The following AP3B1 variants were observed in gnomAD, a reference collection of about 807,000 sequenced individuals.
AP3B1 encodes AP-3 complex subunit beta-1.
In AP3B1, 61 loss-of-function variants were observed where a neutral mutation model predicts 132.5. The observed-to-expected ratio is 0.46, with a 90% CI of 0.37 to 0.57. The LOEUF (loss-of-function observed/expected upper bound fraction) is 0.57, where lower values mean the gene tolerates loss of function less well. Ranked by LOEUF, AP3B1 falls within the 20% of genes least tolerant of loss-of-function variation. The probability of loss-of-function intolerance (pLI) is 0.00; values close to 1 mark genes in which losing one functional copy is unlikely to be tolerated. For synonymous variants in AP3B1, 388 were observed against 438.3 expected (o/e 0.89, Z 1.43); for missense variants, 1,120 against 1,289.4 (o/e 0.87, Z 2.01).
chr5:78,137,127 A>G (rs1752952236), intron 15 of AP3B1, among the ~76,000 whole-genome samples: 3 of 152,192 alleles, frequency 2.0e-5, no homozygotes, highest in Admixed American at 2.0e-4. Flanking sequence ...TGGATATACA[A>G]GATACATTTG....
chr5:78,193,268 T>C (rs915779782), intron 7 of AP3B1, among the ~76,000 whole-genome samples: 3 of 152,228 alleles, frequency 2.0e-5, no homozygotes, highest in African/African-American at 7.2e-5. Context: ...GTAAGTTAAG[T>C]AGAGGAATCA....
intron 20 of AP3B1, among the ~76,000 whole-genome samples, chr5:78,105,276 C>T (rs190574796): frequency 1.0e-4 from 11 of 105,412 alleles, no homozygotes; most frequent in African/African-American, 2.9e-4. Flanking sequence ...GGACTAACAA[C>T]GTAGCTGAAA....
intron 1 of AP3B1, among the ~76,000 whole-genome samples, chr5:78,276,915 A>G (rs1748804090): frequency 6.6e-6 from 1 of 152,124 alleles, no homozygotes; most frequent in African/African-American, 2.4e-5. Context: ...TCTAATTACA[A>G]TACAAAATCA....
chr5:78,052,406 C>G (rs899165104), intron 22 of AP3B1, among the ~76,000 whole-genome samples: 1 of 152,116 alleles, frequency 6.6e-6, no homozygotes, highest in Non-Finnish European at 1.5e-5. Flanking sequence ...TTTTGCAATG[C>G]CTGTTCACTA....
chr5:78,109,618 C>T (rs1192124987), intron 20 of AP3B1, among the ~76,000 whole-genome samples: 2 of 152,032 alleles, frequency 1.3e-5, no homozygotes, highest in African/African-American at 4.8e-5. Context: ...TTTAACTAGA[C>T]TTGAAATCAG....
intron 17 of AP3B1, among the ~76,000 whole-genome samples, chr5:78,123,073 C>T (rs1170081321): frequency 6.6e-6 from 1 of 152,120 alleles, no homozygotes; most frequent in South Asian, 2.1e-4. Flanking sequence ...CTTTGACAAA[C>T]CTGAGAAAAA....
chr5:78,250,675 T>C (rs929795594), intron 2 of AP3B1, among the ~76,000 whole-genome samples: 6 of 152,054 alleles, frequency 3.9e-5, no homozygotes, highest in Admixed American at 6.6e-5. Flanking sequence ...TGGAGAAGTA[T>C]GAATAAATTA....
At chr5:78,275,222 A>G (rs1014961898) in intron 1 of AP3B1, among the ~76,000 whole-genome samples, 1 of 152,198 alleles carries the variant, frequency 6.6e-6, no homozygotes, top group African/African-American at 2.4e-5. Flanking sequence ...TAAAGGGCTG[A>G]AAGAGAAAAG....
intron 2 of AP3B1, among the ~76,000 whole-genome samples, chr5:78,253,957 C>CAAA (rs35713067): frequency 1.1e-5 from 1 of 93,910 alleles, no homozygotes; most frequent in Admixed American, 1.2e-4. Flanking sequence ...GACTCCACCT[C>CAAA]AAAAAAAAAA....
At chr5:78,164,606 C>A (rs1035715390) in intron 12 of AP3B1, among the ~76,000 whole-genome samples, 2 of 151,954 alleles carry the variant, frequency 1.3e-5, no homozygotes, top group Non-Finnish European at 2.9e-5. Flanking sequence ...TGATCTGCAG[C>A]TATAAGATTA....
chr5:78,059,431 G>A (rs1044575575), intron 22 of AP3B1, among the ~76,000 whole-genome samples: 2 of 152,138 alleles, frequency 1.3e-5, no homozygotes, highest in Non-Finnish European at 2.9e-5. Context: ...AGGTAACTGC[G>A]GTGCCTAGTT....
intron 2 of AP3B1, among the ~76,000 whole-genome samples, chr5:78,259,556 A>G (rs112656181): frequency 7.7e-4 from 118 of 152,360 alleles, no homozygotes; most frequent in Non-Finnish European, 1.3e-3. Context: ...GGAAAAAGGT[A>G]TAAGGAGATG....
intron 26 of AP3B1, among the ~76,000 whole-genome samples, chr5:78,005,313 C>T (rs569279950): frequency 5.3e-5 from 8 of 152,178 alleles, no homozygotes; most frequent in Non-Finnish European, 1.2e-4. Flanking sequence ...CACAAAAGCA[C>T]TGTTGTTTGA....
intron 7 of AP3B1, among the ~76,000 whole-genome samples, chr5:78,191,369 A>C (rs1200175618): frequency 6.7e-6 from 1 of 150,240 alleles, no homozygotes; most frequent in Non-Finnish European, 1.5e-5. Context: ...AAAAAAAAAA[A>C]AAAAAAAAGG....
In AP3B1 at chr5:78,141,321, T is replaced by C. The variant is rs1753137715; in HGVS notation, c.1474-2A>G. On this transcript the variant is annotated splice_acceptor_variant, in intron 14 of 26. Transcript: ENST00000255194. LOFTEE classifies it high-confidence loss of function. ...AATACTTGCTCTAGCAACAGGAACC[T>C]AATATGAGAAGCAGATTACATAGTT... 4.3e-6 allele frequency: 7 copies of C among 1,611,822 alleles called. No individual in the cohort carries two copies. The highest frequency in any genetic ancestry group is 5.9e-6 in the Non-Finnish European group (7 of 1,178,258).
intron 22 of AP3B1, among the ~76,000 whole-genome samples, chr5:78,061,384 G>C (rs1201475765): frequency 6.6e-6 from 1 of 152,108 alleles, no homozygotes; most frequent in Admixed American, 6.5e-5. Context: ...ATGTCTACAG[G>C]TTCTAGTAAA....
Position 78,147,306 on chromosome 5 carries a change from G to C in AP3B1, c.1474-5987C>G, listed in dbSNP as rs147586534. On this transcript the variant is annotated intron_variant, in intron 14 of 26. Coordinates refer to ENST00000255194, the MANE Select transcript of AP3B1 (RefSeq NM_003664.5). The stretch of plus-strand genomic sequence containing the variant: ...AATTAACTGTAAATCTCACTTTCTT[G>C]TTCATATTTGCTTAATATCTCTTTC... Among the ~76,000 whole-genome samples, 506 of 151,732 alleles carry C rather than the reference G, an allele frequency of 3.3e-3. 4 individuals are homozygous for C. Among genetic ancestry groups the C allele is most frequent in the African/African-American group, 0.012 (490 of 41,404 alleles).
intron 1 of AP3B1, among the ~76,000 whole-genome samples, chr5:78,273,516 G>A (rs1358191686): frequency 5.9e-5 from 9 of 152,148 alleles, no homozygotes; most frequent in Admixed American, 5.9e-4. Context: ...AATAACTTGA[G>A]GAGACAAATG....
chr5:78,003,143 T>C (rs538538566), intron 26 of AP3B1, 88 bp from the exon 27 acceptor site: 1 of 1,456,830 alleles, frequency 6.9e-7, no homozygotes, highest in South Asian at 1.2e-5. Context: ...AAATAACTCT[T>C]TTTTGTCAAA....
Sources: gnomAD v4.1 joint callset for allele counts (sites outside exome capture counted in the v4.1 genomes callset) on GRCh38, gnomAD v4.1.1 for gene constraint, MANE v1.5 for transcripts, NCBI Gene and HGNC (gene_info 2026-07-23, HGNC 2026-07-21) for gene names.